The following ITPK1 variants were observed in gnomAD, a reference collection of about 807,000 sequenced individuals.
ITPK1 encodes the protein inositol-tetrakisphosphate 1-kinase, also known as inositol 1,3,4-trisphosphate 5/6-kinase.
Under a neutral mutation model 45.3 loss-of-function variants are expected in ITPK1, and 21 were observed. The observed-to-expected ratio is 0.46, with a 90% CI of 0.33 to 0.67. The LOEUF (loss-of-function observed/expected upper bound fraction) is 0.67. ITPK1 is among the 30% of genes least tolerant of loss of function. The pLI, the probability that ITPK1 is intolerant of heterozygous loss-of-function variation, is 0.02. For missense variants in ITPK1, 474 were observed against 573.5 expected (o/e 0.83, Z 1.77); for synonymous variants, 258 against 253.6 (o/e 1.02, Z -0.16).
intron 10 of ITPK1, 71 bp from the exon 11 acceptor site, chr14:92,941,975 G>C: frequency 1.5e-6 from 2 of 1,373,568 alleles, no homozygotes; most frequent in Non-Finnish European, 2.0e-6. Flanking sequence ...GGAGGAGGAG[G>C]AGGCAGAACC....
At chr14:92,993,601 A>G (rs1313283799) in intron 5 of ITPK1, among the ~76,000 whole-genome samples, 1 of 152,126 alleles carries the variant, frequency 6.6e-6, no homozygotes, top group Non-Finnish European at 1.5e-5. Context: ...CCACTGTGTT[A>G]CCGGGACACT....
At chr14:92,988,944 G>T (rs1886640185) in intron 5 of ITPK1, among the ~76,000 whole-genome samples, 1 of 152,168 alleles carries the variant, frequency 6.6e-6, no homozygotes. Context: ...CACACAATTG[G>T]CGGAGGGTTG....
chr14:93,110,649 G>A (rs1336631775), intron 2 of ITPK1, among the ~76,000 whole-genome samples: 5 of 152,204 alleles, frequency 3.3e-5, no homozygotes, highest in African/African-American at 1.2e-4. Context: ...CCTACCAAGG[G>A]TGGTCATAAA....
At chr14:92,985,107 T>C (rs1309549947) in intron 5 of ITPK1, among the ~76,000 whole-genome samples, 5 of 152,102 alleles carry the variant, frequency 3.3e-5, no homozygotes, top group Non-Finnish European at 5.9e-5. Context: ...TGTATGACCT[T>C]GACCCAGTCA....
chr14:93,017,099 C>G (rs1278535980), intron 3 of ITPK1, among the ~76,000 whole-genome samples: 1 of 152,168 alleles, frequency 6.6e-6, no homozygotes, highest in Non-Finnish European at 1.5e-5. Flanking sequence ...TAAGAGGAAT[C>G]AGGGCAATAG....
At chr14:93,081,130 T>C (rs1193004737) in intron 2 of ITPK1, among the ~76,000 whole-genome samples, 1 of 149,860 alleles carries the variant, frequency 6.7e-6, no homozygotes, top group East Asian at 2.0e-4. Context: ...AGGTCAGGAG[T>C]TCGAGACCAG....
intron 3 of ITPK1, chr14:93,068,102 C>T (rs1335457628): frequency 6.5e-6 from 1 of 153,298 alleles, no homozygotes; most frequent in East Asian, 1.9e-4. Context: ...CACTGAAATG[C>T]CACCATTAAT....
intron 10 of ITPK1, among the ~76,000 whole-genome samples, chr14:92,943,816 G>A (rs537442465): frequency 6.6e-6 from 1 of 152,362 alleles, no homozygotes; most frequent in African/African-American, 2.4e-5. Context: ...GTGGGAAACT[G>A]GTTCCCACTG....
chr14:92,973,583 T>C (rs1885770692), intron 5 of ITPK1, among the ~76,000 whole-genome samples: 1 of 152,206 alleles, frequency 6.6e-6, no homozygotes, highest in Non-Finnish European at 1.5e-5. Flanking sequence ...AGTCACATGC[T>C]CTTGAATTCT....
chr14:92,975,466 T>C (rs751100873), intron 5 of ITPK1, among the ~76,000 whole-genome samples: 1 of 152,174 alleles, frequency 6.6e-6, no homozygotes, highest in Non-Finnish European at 1.5e-5. Context: ...GCCTGGGACC[T>C]GCCCTAGAGC....
rs1887291809 is a variant in ITPK1 at position 92,940,236 on chromosome 14, C to G, written c.*1325G>C. 1 of 986,460 alleles carries G rather than the reference C, an allele frequency of 1.0e-6. No individual in the cohort carries two copies. The highest frequency in any genetic ancestry group is 1.2e-6 in the Non-Finnish European group (1 of 830,680). 61.1% of individuals were successfully genotyped at this position (986,460 alleles called of 1,614,324 possible). A position where few individuals can be genotyped will look rare whatever the true frequency, so the allele number is the denominator to read the frequency against. ...GAGGACAGCCCGGAAGCCTTTTTCACTTTTTCAAAGTAAACTGCTATCTTA... is the reference window on the plus strand; with the variant it reads ...GAGGACAGCCCGGAAGCCTTTTTCAGTTTTTCAAAGTAAACTGCTATCTTA... On this transcript the variant is annotated 3_prime_UTR_variant, in exon 11 of 11. Coordinates refer to ENST00000267615, the MANE Select transcript of ITPK1 (RefSeq NM_014216.6).
At chr14:93,066,346 G>A (rs1207273449) in intron 3 of ITPK1, 1 of 438,428 alleles carries the variant, frequency 2.3e-6, no homozygotes, top group South Asian at 1.6e-5. Flanking sequence ...GTGTGTAGGG[G>A]GCAGAGGCGT....
At position 92,941,950 on chromosome 14, in the gene ITPK1, CG is replaced by C. The variant is rs781725990; in HGVS notation, c.902-47del. ...GCACAAGGGGCGTGAGCCAGGGGCA[CG>C]CATCATGCAGGGAGGAGGAGGAGGA... On this transcript the variant is annotated intron_variant, in intron 10 of 10. Transcript: ENST00000267615. 3.9e-6 allele frequency: 6 copies of C among 1,552,254 alleles called. No homozygotes were observed. The Admixed American group carries it at 1.1e-4, about 28-fold the overall frequency.
Position 92,964,755 on chromosome 14 carries a change from G to A in ITPK1, c.365-1906C>T, listed in dbSNP as rs373091084. On this transcript the variant is annotated intron_variant, in intron 5 of 10. Coordinates refer to ENST00000267615, the MANE Select transcript of ITPK1 (RefSeq NM_014216.6). Reference sequence around the variant, plus strand: ...GCTTCCAGACTCCCTGTGGCCCCCCGGAGTTTTTAGAGCAGGTGAATCAGC... The same window carrying A: ...GCTTCCAGACTCCCTGTGGCCCCCCAGAGTTTTTAGAGCAGGTGAATCAGC... Among the ~76,000 whole-genome samples, 41 of 152,266 alleles carry A rather than the reference G, an allele frequency of 2.7e-4. 1 individual carries two copies. Among genetic ancestry groups the A allele is most frequent in the Admixed American group, 1.8e-3 (28 of 15,302 alleles).
intron 5 of ITPK1, among the ~76,000 whole-genome samples, chr14:92,963,406 A>G (rs576577304): frequency 1.3e-5 from 2 of 152,354 alleles, no homozygotes; most frequent in East Asian, 1.9e-4. Flanking sequence ...CTGGGGTCAG[A>G]GAGATTAAAG....
In ITPK1 at chr14:93,003,670, G is replaced by A. The variant is rs560553179; in HGVS notation, c.247-9673C>T. On this transcript the variant is annotated intron_variant, in intron 4 of 10. Transcript: ENST00000267615. ...CATTCACAAAGCCTACCACTGGGCT[G>A]GGCAGCGTGCAACCTATGTAACAGT... Among the ~76,000 whole-genome samples, 147 of 152,328 alleles carry A rather than the reference G, an allele frequency of 9.7e-4. 2 individuals are homozygous for A. The highest frequency in any genetic ancestry group is 3.2e-3 in the African/African-American group (133 of 41,574).
intron 3 of ITPK1, among the ~76,000 whole-genome samples, chr14:93,050,427 C>A (rs923368825): frequency 4.6e-5 from 7 of 152,164 alleles, no homozygotes; most frequent in African/African-American, 1.7e-4. Flanking sequence ...TTGAGTTCCA[C>A]GTGCTCCAAA....
chr14:92,942,036 A>G (rs1292101841), intron 10 of ITPK1, 132 bp from the exon 11 acceptor site: 5 of 769,524 alleles, frequency 6.5e-6, no homozygotes, highest in Non-Finnish European at 1.0e-5. Context: ...CCATTTACAG[A>G]GAAAACGTGA....
chr14:92,962,907 G>A (rs758366986), intron 5 of ITPK1, 58 bp from the exon 6 acceptor site: 8 of 1,242,102 alleles, frequency 6.4e-6, no homozygotes, highest in South Asian at 2.5e-5. Flanking sequence ...CCAGGTGCAC[G>A]TCCTGTGACA....
Sources: allele counts gnomAD v4.1 joint callset (sites outside exome capture counted in the v4.1 genomes callset), GRCh38; gene constraint gnomAD v4.1.1; transcripts MANE v1.5; gene names NCBI Gene and HGNC (gene_info 2026-07-23, HGNC 2026-07-21).